MED12: variants seen among roughly 807,000 people sequenced by gnomAD.
MED12 encodes mediator complex subunit 12.
MED12 carries 10 observed loss-of-function variants against 177.7 expected under a neutral mutation model. The ratio of observed to expected loss-of-function variants is 0.06; its 90% CI spans 0.03 to 0.10. The LOEUF (loss-of-function observed/expected upper bound fraction) is 0.10, where lower values mean the gene tolerates loss of function less well. Among genes scored for constraint, MED12 ranks in the 10% least tolerant of loss-of-function variants. MED12 has a pLI of 1.00. For missense variants in MED12, 867 were observed against 1,780.8 expected, an observed-to-expected ratio of 0.49 and a Z score of 9.23; for synonymous variants, 641 against 678.4, an observed-to-expected ratio of 0.94 and a Z score of 0.86.
chrX:71,131,197 C>T (rs2092316386), intron 28 of MED12, among the ~76,000 whole-genome samples: 1 of 99,370 alleles, frequency 1.0e-5, no homozygotes, highest in African/African-American at 3.9e-5. Flanking sequence ...GGTGCGATCT[C>T]GGCTCACTGC....
chrX:71,118,652 C>T lies in MED12; in HGVS notation c.-103C>T, dbSNP rs2092280953. The T allele has an allele frequency of 2.8e-6, 2 of 719,886 alleles. No homozygotes were observed. Among genetic ancestry groups the T allele is most frequent in the South Asian group, 2.3e-5 (1 of 43,889 alleles). The allele number at this position is 719,886 out of a possible 1,213,427, so 59.3% of individuals were successfully genotyped here. Reference sequence around the variant, plus strand: ...TGCCCCCTTGTTGTCTCTCGGCCGCCGTCCTCTCAACCACCGCCCCCCTTT... The same window carrying T: ...TGCCCCCTTGTTGTCTCTCGGCCGCTGTCCTCTCAACCACCGCCCCCCTTT... On this transcript the variant is annotated 5_prime_UTR_variant, in exon 1 of 45. Transcript: ENST00000374080.
intron 28 of MED12, among the ~76,000 whole-genome samples, chrX:71,130,521 A>G (rs1220981978): frequency 1.8e-5 from 2 of 112,869 alleles, no homozygotes; most frequent in African/African-American, 6.4e-5. Context: ...CATTTTGGCC[A>G]TGGCTCAGGA....
At chrX:71,119,574 G>A in intron 2 of MED12, 97 bp downstream of exon 2, 12 of 1,082,084 alleles carry the variant, frequency 1.1e-5, no homozygotes, top group Non-Finnish European at 1.5e-5. Context: ...AACCTAAGTG[G>A]CTGAGTTTGC....
chrX:71,129,515 T>C (rs2092311544), intron 26 of MED12, 86 bp downstream of exon 26: 3 of 945,210 alleles, frequency 3.2e-6, no homozygotes, highest in Admixed American at 5.0e-5. Context: ...TTCTCCCTTC[T>C]GAAGGTGGTC....
At chrX:71,132,597 C>G (rs1569481954) in intron 31 of MED12, 59 bp downstream of exon 31, 39 of 1,129,845 alleles carry the variant, frequency 3.5e-5, no homozygotes, top group Non-Finnish European at 4.5e-5. Context: ...GAGGCAGGCC[C>G]GGGGAAGAAT....
At chrX:71,137,420 A>G (rs1447275296) in intron 39 of MED12, 37 bp downstream of exon 39, 1 of 1,195,859 alleles carries the variant, frequency 8.4e-7, no homozygotes. Flanking sequence ...GAGGGCTGTC[A>G]GGGAGAGGGG....
intron 28 of MED12, 137 bp downstream of exon 28, chrX:71,130,351 C>T (rs773798220): frequency 1.6e-5 from 10 of 629,352 alleles, no homozygotes; most frequent in East Asian, 7.1e-5. Context: ...GGAGAGGTAG[C>T]GAGAGAAACA....
chrX:71,141,149 A>G, intron 42 of MED12, 81 bp from the exon 43 acceptor site: 2 of 1,163,543 alleles, frequency 1.7e-6, no homozygotes, highest in Non-Finnish European at 2.3e-6. Context: ...CTGCTTCCTC[A>G]TCCCCTGCCC....
In MED12 at chrX:71,125,317, G is replaced by A. The variant is rs376984230; in HGVS notation, c.2227-34G>A. 1.7e-5 allele frequency: 20 copies of A among 1,207,394 alleles called. No individual in the cohort carries two copies. In the African/African-American group the frequency reaches 2.6e-4, roughly 16 times the overall value. On this transcript the variant is annotated intron_variant, in intron 15 of 44. Coordinates refer to ENST00000374080, the MANE Select transcript of MED12 (RefSeq NM_005120.3). The stretch of plus-strand genomic sequence containing the variant: ...GCTTTCAAGAGGAGGGAAGGAGATC[G>A]GTGCTGGAGTCTGATGGTGCTGCTG...
At position 71,121,661 on chromosome X, in the gene MED12, T is replaced by A; in HGVS notation, c.946T>A (p.Ser316Thr). The A allele has an allele frequency of 2.5e-6, 3 of 1,211,385 alleles. No individual in the cohort carries two copies. Among genetic ancestry groups the A allele is most frequent in the Non-Finnish European group, 3.4e-6 (3 of 895,462 alleles). ...ALQLDGVSSHSSHVISAQSTS... is the reference protein window; with the variant it reads ...ALQLDGVSSHTSHVISAQSTS... ...GCAGCTGGATGGTGTGAGCAGTCAC[T>A]CATCTCATGTTATATCTGCTCAGTC... The change falls in exon 7 of 45, where the codon TCA becomes ACA. Residue 316 changes from serine to threonine, a missense_variant. By Grantham distance (58) the Ser-to-Thr change is moderately conservative (BLOSUM62 1). Coordinates refer to ENST00000374080, the MANE Select transcript of MED12 (RefSeq NM_005120.3).
chrX:71,121,858 T>C (rs2092290356), intron 7 of MED12, 42 bp downstream of exon 7: 2 of 1,210,378 alleles, frequency 1.7e-6, no homozygotes, highest in Middle Eastern at 4.6e-4. Context: ...AGAGATAGCC[T>C]GAGAAGAATC....
intron 43 of MED12, 38 bp downstream of exon 43, chrX:71,141,408 T>A (rs2147842789): frequency 8.6e-7 from 1 of 1,166,762 alleles, no homozygotes; most frequent in Non-Finnish European, 1.1e-6. Context: ...CAGGGACAGC[T>A]GCCCAGGTTG....
intron 26 of MED12, 35 bp from the exon 27 acceptor site, chrX:71,129,645 C>T: frequency 8.6e-7 from 1 of 1,168,479 alleles, no homozygotes; most frequent in Non-Finnish European, 1.1e-6. Context: ...TCCAATCTCA[C>T]TCTGCCCTCC....
intron 44 of MED12, 51 bp from the exon 45 acceptor site, chrX:71,142,124 C>G: frequency 8.5e-7 from 1 of 1,173,830 alleles, no homozygotes; most frequent in Non-Finnish European, 1.2e-6. Flanking sequence ...CTCGTGCATA[C>G]CCACACCCCT....
chrX:71,139,225 C>A (rs2092340477), intron 41 of MED12, among the ~76,000 whole-genome samples: 1 of 111,836 alleles, frequency 8.9e-6, no homozygotes, highest in Non-Finnish European at 1.9e-5. Context: ...TATCTGTGGG[C>A]CTGACTCATC....
In MED12 at chrX:71,128,453, G is replaced by C; in HGVS notation, c.3354+13G>C. The C allele has an allele frequency of 8.3e-7, 1 of 1,211,228 alleles. No homozygotes were observed. The highest frequency in any genetic ancestry group is 1.1e-6 in the Non-Finnish European group (1 of 895,408). On this transcript the variant is annotated intron_variant, in intron 23 of 44. Coordinates refer to ENST00000374080, the MANE Select transcript of MED12 (RefSeq NM_005120.3). Reference sequence around the variant, plus strand: ...CTGCAATGTTGATGTGAGACTTGGGGTGGGGTTTTGCTAGTGGGGCAGTGA... The same window carrying C: ...CTGCAATGTTGATGTGAGACTTGGGCTGGGGTTTTGCTAGTGGGGCAGTGA...
intron 42 of MED12, 152 bp from the exon 43 acceptor site, chrX:71,141,078 A>T: frequency 9.3e-7 from 1 of 1,079,084 alleles, no homozygotes; most frequent in South Asian, 2.0e-5. Context: ...GGTACCCTAG[A>T]TTTGGTTTCT....
intron 36 of MED12, among the ~76,000 whole-genome samples, chrX:71,135,680 G>A (rs2092330360): frequency 1.8e-5 from 2 of 111,413 alleles, no homozygotes; most frequent in Admixed American, 1.9e-4. Context: ...TAATTATTGT[G>A]TATAGTTTAA....
chrX:71,134,863 C>G lies in MED12; in HGVS notation c.4863+15C>G. On this transcript the variant is annotated intron_variant, in intron 35 of 44. Transcript: ENST00000374080. The stretch of plus-strand genomic sequence containing the variant: ...AGAAGTTGCAGGTAAGCAGAGGAAG[C>G]GGGGGCAAGGTTTGCGGTTACTGGA... The G allele has an allele frequency of 8.3e-7, 1 of 1,210,731 alleles. No homozygotes were observed. The highest frequency in any genetic ancestry group is 3.0e-5 in the East Asian group (1 of 33,813).
Sources: gnomAD v4.1 joint callset for allele counts (sites outside exome capture counted in the v4.1 genomes callset) on GRCh38, gnomAD v4.1.1 for gene constraint, MANE v1.5 for transcripts, NCBI Gene and HGNC (gene_info 2026-07-23, HGNC 2026-07-21) for gene names.